Variants in GREB1L observed in about 807,000 individuals in gnomAD.
The protein encoded by GREB1L is GREB1-like protein.
A neutral mutation model predicts 200.8 loss-of-function variants in GREB1L; 17 were observed. The observed-to-expected ratio is 0.08, with a 90% CI of 0.06 to 0.13. The LOEUF is 0.13. Among genes scored for constraint, GREB1L ranks in the 10% least tolerant of loss-of-function variants. The pLI is 1.00. For missense variants in GREB1L, 1,657 were observed against 2,367.7 expected (o/e 0.70, Z 6.23); for synonymous variants, 789 against 893.0 (o/e 0.88, Z 2.08).
intron 1 of GREB1L, among the ~76,000 whole-genome samples, chr18:21,248,495 C>A (rs2037643697): frequency 6.6e-6 from 1 of 151,994 alleles, no homozygotes; most frequent in South Asian, 2.1e-4. Flanking sequence ...AGAAACAATC[C>A]CATTCAACAT....
chr18:21,242,745 G>C (rs1260226302), intron 1 of GREB1L, among the ~76,000 whole-genome samples: 1 of 152,128 alleles, frequency 6.6e-6, no homozygotes, highest in Non-Finnish European at 1.5e-5. Context: ...GAGACGGCCC[G>C]GGGGTGGGAC....
intron 4 of GREB1L, among the ~76,000 whole-genome samples, chr18:21,386,460 T>G (rs2040544311): frequency 6.6e-6 from 1 of 151,694 alleles, no homozygotes; most frequent in Non-Finnish European, 1.5e-5. Flanking sequence ...CTGGCTAATT[T>G]TTGTATTTTT....
chr18:21,463,639 A>G (rs1193190511), intron 15 of GREB1L, among the ~76,000 whole-genome samples: 1 of 152,104 alleles, frequency 6.6e-6, no homozygotes, highest in African/African-American at 2.4e-5. Flanking sequence ...GTGCAGTGGC[A>G]TGATCATGCC....
At chr18:21,263,623 G>A (rs1035556084) in intron 1 of GREB1L, among the ~76,000 whole-genome samples, 18 of 152,140 alleles carry the variant, frequency 1.2e-4, no homozygotes, top group Admixed American at 7.2e-4. Context: ...ATATGGTTAT[G>A]TAAATGGTAA....
At chr18:21,387,845 C>G (rs1421665294) in intron 4 of GREB1L, among the ~76,000 whole-genome samples, 1 of 152,132 alleles carries the variant, frequency 6.6e-6, no homozygotes, top group Admixed American at 6.5e-5. Flanking sequence ...GCTATCCACT[C>G]TTTTTTACAG....
At chr18:21,446,093 C>T (rs1167286302) in intron 11 of GREB1L, among the ~76,000 whole-genome samples, 1 of 152,138 alleles carries the variant, frequency 6.6e-6, no homozygotes, top group African/African-American at 2.4e-5. Flanking sequence ...GGTGCGATCT[C>T]GACTCACTGC....
At chr18:21,276,489 A>C (rs1453186019) in intron 1 of GREB1L, among the ~76,000 whole-genome samples, 3 of 152,138 alleles carry the variant, frequency 2.0e-5, no homozygotes, top group Non-Finnish European at 4.4e-5. Context: ...AGTTACCTCT[A>C]AAGGGTGGCC....
chr18:21,249,692 T>TA (rs375216761), intron 1 of GREB1L, among the ~76,000 whole-genome samples: 3,091 of 145,868 alleles, frequency 0.021, 53 homozygotes, highest in African/African-American at 0.048. Context: ...CTGTCTCTAC[T>TA]AAAAAAAAAA....
intron 18 of GREB1L, among the ~76,000 whole-genome samples, chr18:21,486,283 G>A (rs2036125200): frequency 6.6e-6 from 1 of 151,894 alleles, no homozygotes; most frequent in African/African-American, 2.4e-5. Context: ...GAACCCGGGA[G>A]GTGGAGCTTG....
At chr18:21,453,506 C>G (rs2034621541) in intron 14 of GREB1L, among the ~76,000 whole-genome samples, 1 of 152,236 alleles carries the variant, frequency 6.6e-6, no homozygotes, top group Non-Finnish European at 1.5e-5. Context: ...TGGATGTTGC[C>G]TGCTCACGTG....
At chr18:21,493,935 A>G (rs2036445852) in intron 19 of GREB1L, among the ~76,000 whole-genome samples, 1 of 150,388 alleles carries the variant, frequency 6.6e-6, no homozygotes, top group South Asian at 2.1e-4. Context: ...TTCCATCAAT[A>G]TAAACCTGAC....
intron 7 of GREB1L, among the ~76,000 whole-genome samples, chr18:21,429,324 CTTTCCTTTCTTCT>C (rs1186052963): frequency 1.4e-5 from 2 of 138,924 alleles, no homozygotes; most frequent in Non-Finnish European, 3.1e-5. Context: ...TCTCCTCTTC[CTTTCCTTTCTTCT>C]TTTCCTTTCT....
At position 21,525,934 on chromosome 18, in the gene GREB1L, T is replaced by TGTAA. The variant is rs1017642481; in HGVS notation, c.*3116_*3119dup. On this transcript the variant is annotated 3_prime_UTR_variant, in exon 33 of 33. Transcript: ENST00000424526. ...ACCCTCAGGAAGGGCAATAAATATT[T>TGTAA]GTAAGTGTAATGACAGACTTTCAGA... Among the ~76,000 whole-genome samples, 5 of 152,214 alleles carry TGTAA rather than the reference T, an allele frequency of 3.3e-5. No individual in the cohort carries two copies. Among genetic ancestry groups the TGTAA allele is most frequent in the East Asian group, 1.9e-4 (1 of 5,202 alleles).
chr18:21,358,634 C>A (rs771882270), intron 1 of GREB1L, among the ~76,000 whole-genome samples: 1 of 152,076 alleles, frequency 6.6e-6, no homozygotes, highest in Non-Finnish European at 1.5e-5. Context: ...TTATAAGTGT[C>A]AGCTAAGCTG....
chr18:21,277,208 G>A lies in GREB1L; in HGVS notation c.-120+34815G>A, dbSNP rs561132339. 1.2e-4 allele frequency among the ~76,000 whole-genome samples: 19 copies of A among 152,132 alleles called. No homozygotes were observed. The Middle Eastern group carries it at 0.014, about 109-fold the overall frequency. The stretch of plus-strand genomic sequence containing the variant: ...CTCCCAAAGCGCTGGGATTACAGGC[G>A]TGAGCCACCGTGCCCGGCCCAGCCC... On this transcript the variant is annotated intron_variant, in intron 1 of 32. Coordinates refer to ENST00000424526, the MANE Select transcript of GREB1L (RefSeq NM_001142966.3).
At chr18:21,373,691 A>G (rs1425692127) in intron 2 of GREB1L, among the ~76,000 whole-genome samples, 3 of 152,154 alleles carry the variant, frequency 2.0e-5, no homozygotes, top group Admixed American at 6.6e-5. Context: ...CAAACTCTCA[A>G]TAATCAGGAC....
intron 7 of GREB1L, among the ~76,000 whole-genome samples, chr18:21,432,662 GT>G (rs559843382): frequency 0.023 from 2,484 of 109,684 alleles, 86 homozygotes; most frequent in African/African-American, 0.075. Flanking sequence ...ATTTTCGTAA[GT>G]TTTTTTTTTA....
chr18:21,324,752 G>A (rs2038997748), intron 1 of GREB1L, among the ~76,000 whole-genome samples: 1 of 152,258 alleles, frequency 6.6e-6, no homozygotes, highest in Non-Finnish European at 1.5e-5. Flanking sequence ...GGAGCTTGCA[G>A]TAAGCCGAGA....
At chr18:21,513,718 G>A in intron 27 of GREB1L, 103 bp from the exon 28 acceptor site, 1 of 1,102,674 alleles carries the variant, frequency 9.1e-7, no homozygotes, top group South Asian at 1.6e-5. Context: ...TGGTTCCCAT[G>A]TGAACAGGCA....
Sources: allele counts gnomAD v4.1 joint callset (sites outside exome capture counted in the v4.1 genomes callset), GRCh38; gene constraint gnomAD v4.1.1; transcripts MANE v1.5; gene names NCBI Gene and HGNC (gene_info 2026-07-23, HGNC 2026-07-21).